TOP3A: variants seen among roughly 807,000 people sequenced by gnomAD.
TOP3A encodes the protein DNA topoisomerase III alpha.
A neutral mutation model predicts 111.3 loss-of-function variants in TOP3A; 64 were observed. The ratio of observed to expected loss-of-function variants is 0.57; its 90% confidence interval spans 0.47 to 0.71. The LOEUF (loss-of-function observed/expected upper bound fraction) is 0.71, where lower values mean the gene tolerates loss of function less well. TOP3A is among the 30% of genes least tolerant of loss of function. TOP3A has a pLI of 0.00. For missense variants in TOP3A, 1,104 were observed against 1,285.0 expected (o/e 0.86, Z 2.15); for synonymous variants, 484 against 485.1 (o/e 1.00, Z 0.03).
intron 17 of TOP3A, among the ~76,000 whole-genome samples, chr17:18,278,674 A>G (rs915251699): frequency 6.6e-6 from 1 of 152,272 alleles, no homozygotes; most frequent in South Asian, 2.1e-4. Context: ...AGCCCTTTCA[A>G]GGAGAGTGCA....
chr17:18,282,783 C>A lies in TOP3A; in HGVS notation c.1936G>T (p.Asp646Tyr). 6.2e-7 allele frequency: 1 copy of A among 1,614,214 alleles called. No individual in the cohort carries two copies. The stretch of plus-strand genomic sequence containing the variant: ...GGCTCTGGCATGGCTGGGTAGATAT[C>A]TTCTTGCTGGGCCAACTCTGTCCCA... ...GNGTELAQQE[D>Y]IYPAMPEPIR... Residue 646 changes from aspartate (D) to tyrosine (Y), a missense_variant, in exon 16 of 19, where the codon GAT (aspartate) becomes TAT (tyrosine). Transcript: ENST00000321105.
At chr17:18,281,960 T>TA (rs1442739861) in intron 16 of TOP3A, among the ~76,000 whole-genome samples, 1 of 152,232 alleles carries the variant, frequency 6.6e-6, no homozygotes, top group African/African-American at 2.4e-5. Context: ...TGGGATGAGG[T>TA]AATGCTTACA....
chr17:18,287,402 T>A (rs780998050), intron 13 of TOP3A, among the ~76,000 whole-genome samples: 16 of 152,082 alleles, frequency 1.1e-4, no homozygotes, highest in Non-Finnish European at 2.4e-4. Flanking sequence ...GATGCGCACC[T>A]GTAGTCCCAG....
rs142558271 is a variant in TOP3A, at chr17:18,277,898, G to A, written c.2604C>T (p.Gly868=). 59 of 1,613,982 alleles carry A rather than the reference G, an allele frequency of 3.7e-5. No individual in the cohort carries two copies. The African/African-American group carries it at 5.1e-4, about 14-fold the overall frequency. Reference sequence around the variant, plus strand: ...GGCCTGGTGGGCATCCCAGGGAGGCGCCCAGGGGTCTATATGCCAAGGCAG... The same window carrying A: ...GGCCTGGTGGGCATCCCAGGGAGGCACCCAGGGGTCTATATGCCAAGGCAG... ...GPPALAYRPL[G]ASLGCPPGPG... is the part of the protein sequence containing the mutation. The change falls in exon 18 of 19, where the codon GGC becomes GGT. Residue 868 remains glycine (G), a synonymous_variant. Transcript: ENST00000321105.
chr17:18,297,621 C>T (rs1304134821), intron 9 of TOP3A, among the ~76,000 whole-genome samples: 2 of 152,184 alleles, frequency 1.3e-5, no homozygotes, highest in Non-Finnish European at 2.9e-5. Context: ...GACGGGGTTT[C>T]GCTGTGTTGG....
chr17:18,284,174 ATT>A (rs34810719), intron 15 of TOP3A, among the ~76,000 whole-genome samples: 115 of 126,766 alleles, frequency 9.1e-4, no homozygotes, highest in African/African-American at 2.4e-3. Flanking sequence ...TAATTTTTGT[ATT>A]TTTTTTTTTT....
At chr17:18,305,486 A>ACACACACG (rs1164323613) in intron 4 of TOP3A, among the ~76,000 whole-genome samples, 78 of 149,514 alleles carry the variant, frequency 5.2e-4, no homozygotes, top group African/African-American at 1.2e-3. Context: ...ACACACACAC[A>ACACACACG]CGCGCGCGCG....
At position 18,273,585 on chromosome 17, in the gene TOP3A, C is replaced by T. The variant is rs1325558536; in HGVS notation, c.*1217G>A. 6.6e-6 allele frequency among the ~76,000 whole-genome samples: 1 copy of T among 152,158 alleles called. No individual in the cohort carries two copies. The highest frequency in any genetic ancestry group is 1.5e-5 in the Non-Finnish European group (1 of 68,028). On this transcript the variant is annotated 3_prime_UTR_variant, in exon 19 of 19. Coordinates refer to ENST00000321105, the MANE Select transcript of TOP3A (RefSeq NM_004618.5). Reference sequence around the variant, plus strand: ...GTTGCTTCTGCAAATGTTCCCCAGACCCTCTGCACTCTCGCAGGTCAGAGT... The same window carrying T: ...GTTGCTTCTGCAAATGTTCCCCAGATCCTCTGCACTCTCGCAGGTCAGAGT...
chr17:18,298,891 C>T (rs868558180), intron 9 of TOP3A, among the ~76,000 whole-genome samples: 1 of 151,844 alleles, frequency 6.6e-6, no homozygotes, highest in African/African-American at 2.4e-5. Context: ...TCCCTAATCT[C>T]AAGTACCCAG....
chr17:18,274,670 G>C lies in TOP3A; in HGVS notation c.*132C>G. 7.0e-7 allele frequency: 1 copy of C among 1,433,360 alleles called. No homozygotes were observed. The highest frequency in any genetic ancestry group is 9.3e-7 in the Non-Finnish European group (1 of 1,079,692). 88.8% of individuals were successfully genotyped at this position (1,433,360 alleles called of 1,614,324 possible). ...ACCTTGTGCCCCTTAACACAAGAAGGCCCGACTCCAAAGGCCAACACTGTC... is the reference window on the plus strand; with the variant it reads ...ACCTTGTGCCCCTTAACACAAGAAGCCCCGACTCCAAAGGCCAACACTGTC... On this transcript the variant is annotated 3_prime_UTR_variant, in exon 19 of 19. Coordinates refer to ENST00000321105, the MANE Select transcript of TOP3A (RefSeq NM_004618.5).
At chr17:18,294,863 A>T in intron 9 of TOP3A, 78 bp from the exon 10 acceptor site, 3 of 974,770 alleles carry the variant, frequency 3.1e-6, no homozygotes, top group Non-Finnish European at 4.9e-6. Context: ...ACTCATCTTC[A>T]GTCAAATCTG....
rs769457754 is a variant in TOP3A at position 18,277,929 on chromosome 17, C to T, written c.2573G>A (p.Gly858Glu). The change falls in exon 18 of 19, where the codon GGG becomes GAG. Residue 858 changes from glycine (G) to glutamate (E), a missense_variant. Coordinates refer to ENST00000321105, the MANE Select transcript of TOP3A (RefSeq NM_004618.5). ...GGGTCTATATGCCAAGGCAGGAGGC[C>T]CTCCTGCTCCCGGATTGGGGCTGTC... ...WADSPNPGAG[G>E]PPALAYRPLG... 68 of 1,613,792 alleles carry T rather than the reference C, an allele frequency of 4.2e-5. No homozygotes were observed. Among genetic ancestry groups the T allele is most frequent in the Non-Finnish European group, 5.5e-5 (65 of 1,180,042 alleles).
intron 10 of TOP3A, among the ~76,000 whole-genome samples, chr17:18,293,247 A>C (rs927006544): frequency 1.8e-4 from 28 of 152,226 alleles, no homozygotes; most frequent in Admixed American, 5.2e-4. Flanking sequence ...GTACACAAAG[A>C]ACAATGCTGT....
At position 18,273,364 on chromosome 17, in the gene TOP3A, G is replaced by C. The variant is rs1979117432; in HGVS notation, c.*1438C>G. On this transcript the variant is annotated 3_prime_UTR_variant, in exon 19 of 19. Coordinates refer to ENST00000321105, the MANE Select transcript of TOP3A (RefSeq NM_004618.5). Reference sequence around the variant, plus strand: ...GGAAAAAGTGGAAGATGGAAAGTTAGTGATCTGAATCTGAACCTTTCATTA... The same window carrying C: ...GGAAAAAGTGGAAGATGGAAAGTTACTGATCTGAATCTGAACCTTTCATTA... 6.6e-6 allele frequency: 1 copy of C among 152,288 alleles called. No homozygotes were observed. The highest frequency in any genetic ancestry group is 1.5e-5 in the Non-Finnish European group (1 of 68,074). 9.4% of individuals were successfully genotyped at this position (152,288 alleles called of 1,614,324 possible).
intron 9 of TOP3A, among the ~76,000 whole-genome samples, chr17:18,297,008 T>C (rs1436578742): frequency 6.6e-6 from 1 of 152,200 alleles, no homozygotes; most frequent in African/African-American, 2.4e-5. Flanking sequence ...TGTAAAAATA[T>C]GCATATTAAA....
Position 18,280,516 on chromosome 17 carries a change from G to T in TOP3A, c.2144+20C>A. 3 of 1,611,574 alleles carry T rather than the reference G, an allele frequency of 1.9e-6. No homozygotes were observed. In the South Asian group the frequency reaches 3.3e-5, roughly 18 times the overall value. Reference sequence around the variant, plus strand: ...TGTACACACTCCAGAGGAGGCACCTGACTCAGGTGCCCAGCTCACCTGTAC... The same window carrying T: ...TGTACACACTCCAGAGGAGGCACCTTACTCAGGTGCCCAGCTCACCTGTAC... On this transcript the variant is annotated intron_variant, in intron 17 of 18. Transcript: ENST00000321105.
chr17:18,306,834 C>A (rs2142990028), intron 4 of TOP3A, 57 bp downstream of exon 4: 1 of 1,143,228 alleles, frequency 8.7e-7, no homozygotes, highest in East Asian at 2.4e-5. Context: ...ACAAAGAAAT[C>A]ACTCTGTTTG....
At chr17:18,306,156 G>C (rs945151079) in intron 4 of TOP3A, among the ~76,000 whole-genome samples, 2 of 152,124 alleles carry the variant, frequency 1.3e-5, no homozygotes, top group African/African-American at 2.4e-5. Flanking sequence ...AGCTGAGATT[G>C]CACCATCATA....
chr17:18,299,702 G>C (rs1049974556), intron 8 of TOP3A, 69 bp from the exon 9 acceptor site: 2 of 1,425,794 alleles, frequency 1.4e-6, no homozygotes, highest in Admixed American at 1.7e-5. Context: ...CCTATGGATA[G>C]CCCATGCCAA....
Sources: gnomAD v4.1 joint callset for allele counts (sites outside exome capture counted in the v4.1 genomes callset) on GRCh38, gnomAD v4.1.1 for gene constraint, MANE v1.5 for transcripts, NCBI Gene and HGNC (gene_info 2026-07-23, HGNC 2026-07-21) for gene names.